PTPRD: variants seen among roughly 807,000 people sequenced by gnomAD.
The protein encoded by PTPRD is receptor-type tyrosine-protein phosphatase delta.
Under a neutral mutation model 214.5 loss-of-function variants are expected in PTPRD, and 34 were observed. The ratio of observed to expected loss-of-function variants is 0.16; its 90% CI spans 0.12 to 0.21. The LOEUF (loss-of-function observed/expected upper bound fraction) is 0.21. Among genes scored for constraint, PTPRD ranks in the 10% least tolerant of loss-of-function variants. The probability of loss-of-function intolerance (pLI) is 1.00; values close to 1 mark genes in which losing one functional copy is unlikely to be tolerated. For missense variants in PTPRD, 2,545 were observed against 2,398.7 expected (o/e 1.06, Z -1.27); for synonymous variants, 1,128 against 845.7 (o/e 1.33, Z -5.79).
chr9:10,580,889 C>A lies in PTPRD; in HGVS notation c.-600+31509G>T, dbSNP rs1567045655. ...CACATAAATCTTAATATATCATAGA[C>A]TTGCATGTCTAATGAGAACCAAATA... On this transcript the variant is annotated intron_variant, in intron 2 of 45. Transcript: ENST00000381196. Among the ~76,000 whole-genome samples the A allele has an allele frequency of 2.6e-5, 4 of 152,238 alleles. No individual in the cohort carries two copies. In the South Asian group the frequency reaches 6.2e-4, roughly 24 times the overall value.
chr9:8,355,036 T>A (rs1196554113), intron 39 of PTPRD, among the ~76,000 whole-genome samples: 1 of 152,186 alleles, frequency 6.6e-6, no homozygotes, highest in East Asian at 1.9e-4. Context: ...AAATCTCATG[T>A]TGAGATATGA....
chr9:10,007,739 C>T (rs946955489), intron 4 of PTPRD, among the ~76,000 whole-genome samples: 1 of 151,900 alleles, frequency 6.6e-6, no homozygotes. Flanking sequence ...TTGTGAATAG[C>T]TTCAGCATTT....
rs73398333 is a variant in PTPRD at position 10,210,152 on chromosome 9, G to A, written c.-545+130811C>T. Among the ~76,000 whole-genome samples the A allele has an allele frequency of 3.4e-3, 523 of 152,150 alleles. 3 individuals are homozygous for A. The highest frequency in any genetic ancestry group is 0.012 in the African/African-American group (487 of 41,524). On this transcript the variant is annotated intron_variant, in intron 3 of 45. Transcript: ENST00000381196. Reference sequence around the variant, plus strand: ...AATTACCAATTCATGTGACCTTTATGCCAGCTATTAAAATACAATTGTGAA... The same window carrying A: ...AATTACCAATTCATGTGACCTTTATACCAGCTATTAAAATACAATTGTGAA...
At chr9:10,001,468 C>T (rs1268407339) in intron 4 of PTPRD, among the ~76,000 whole-genome samples, 1 of 152,024 alleles carries the variant, frequency 6.6e-6, no homozygotes, top group Non-Finnish European at 1.5e-5. Flanking sequence ...ACATCATAGT[C>T]AAATTATCAG....
intron 6 of PTPRD, among the ~76,000 whole-genome samples, chr9:9,759,629 C>T (rs564897960): frequency 1.4e-5 from 2 of 146,084 alleles, no homozygotes; most frequent in African/African-American, 5.1e-5. Flanking sequence ...GCGATCTCAG[C>T]TCACTGCAAC....
At chr9:8,994,810 G>T (rs902756664) in intron 11 of PTPRD, among the ~76,000 whole-genome samples, 1 of 152,010 alleles carries the variant, frequency 6.6e-6, no homozygotes, top group Non-Finnish European at 1.5e-5. Context: ...AACTGTGGAG[G>T]ATCATGCTAA....
At chr9:10,251,692 C>T (rs1048533983) in intron 3 of PTPRD, among the ~76,000 whole-genome samples, 5 of 152,204 alleles carry the variant, frequency 3.3e-5, no homozygotes, top group African/African-American at 1.2e-4. Flanking sequence ...TAGTGAGTCA[C>T]TTTGAACAGA....
chr9:9,734,625 A>C (rs2154444832), intron 6 of PTPRD, 54 bp from the exon 7 acceptor site: 1 of 152,188 alleles, frequency 6.6e-6, no homozygotes, highest in Middle Eastern at 3.4e-3. Context: ...TTGTTTCAGA[A>C]AAAATAGACA....
intron 9 of PTPRD, among the ~76,000 whole-genome samples, chr9:9,196,946 T>C (rs2132103937): frequency 6.6e-6 from 1 of 152,280 alleles, no homozygotes; most frequent in Admixed American, 6.5e-5. Context: ...ACAAGGTCAA[T>C]CTTTGACCAT....
chr9:8,804,376 T>G (rs2096631978), intron 11 of PTPRD, among the ~76,000 whole-genome samples: 6 of 150,890 alleles, frequency 4.0e-5, no homozygotes, highest in Admixed American at 4.0e-4. Flanking sequence ...AGCAGGAGGA[T>G]CACTAGAACC....
chr9:9,137,456 T>C (rs542130599), intron 10 of PTPRD, among the ~76,000 whole-genome samples: 2 of 152,216 alleles, frequency 1.3e-5, no homozygotes, highest in African/African-American at 4.8e-5. Flanking sequence ...TTGTCCTCAG[T>C]TTTTCTGTCT....
In PTPRD at chr9:9,372,959, T is replaced by G. The variant is rs544220093; in HGVS notation, c.-203+24490A>C. On this transcript the variant is annotated intron_variant, in intron 9 of 45. Coordinates refer to ENST00000381196, the MANE Select transcript of PTPRD (RefSeq NM_002839.4). ...TCCATTTTGAGAAACCTTTTAATAT[T>G]ACCCCACAAAAAATACCAGTTTAGA... Among the ~76,000 whole-genome samples the G allele has an allele frequency of 2.0e-5, 3 of 152,164 alleles. No homozygotes were observed. The South Asian group carries it at 6.2e-4, about 32-fold the overall frequency.
At chr9:9,712,584 G>A (rs1275147664) in intron 7 of PTPRD, among the ~76,000 whole-genome samples, 5 of 152,096 alleles carry the variant, frequency 3.3e-5, no homozygotes, top group East Asian at 1.9e-4. Context: ...AATGGCAGAC[G>A]GCAGATCTTG....
At chr9:8,972,398 T>A (rs1300645880) in intron 11 of PTPRD, among the ~76,000 whole-genome samples, 1 of 151,912 alleles carries the variant, frequency 6.6e-6, no homozygotes, top group Non-Finnish European at 1.5e-5. Context: ...AAGTCACATT[T>A]AACATTTCCC....
chr9:8,327,124 G>A (rs1464157897), intron 44 of PTPRD, among the ~76,000 whole-genome samples: 2 of 150,502 alleles, frequency 1.3e-5, no homozygotes, highest in African/African-American at 4.9e-5. Context: ...TGATGTTAGG[G>A]TGTCGATTTT....
chr9:10,294,283 T>G (rs1010523795), intron 3 of PTPRD, among the ~76,000 whole-genome samples: 3 of 151,902 alleles, frequency 2.0e-5, no homozygotes. Flanking sequence ...TACAATGAGA[T>G]GTTCATCTAT....
chr9:9,579,428 A>G (rs1455214263), intron 7 of PTPRD, among the ~76,000 whole-genome samples: 1 of 152,114 alleles, frequency 6.6e-6, no homozygotes, highest in East Asian at 1.9e-4. Context: ...TTTTTAAAAT[A>G]ATTATTTTAA....
At chr9:10,246,757 T>C (rs1256673594) in intron 3 of PTPRD, among the ~76,000 whole-genome samples, 2 of 151,676 alleles carry the variant, frequency 1.3e-5, no homozygotes, top group African/African-American at 4.8e-5. Context: ...CTTATGTATC[T>C]AGTAGTTGCA....
chr9:8,477,065 T>G (rs2096779824), intron 30 of PTPRD, among the ~76,000 whole-genome samples: 1 of 151,788 alleles, frequency 6.6e-6, no homozygotes, highest in Non-Finnish European at 1.5e-5. Context: ...AGCTAATATG[T>G]GCCCTACAAA....
Sources: allele counts gnomAD v4.1 joint callset (sites outside exome capture counted in the v4.1 genomes callset), GRCh38; gene constraint gnomAD v4.1.1; transcripts MANE v1.5; gene names NCBI Gene and HGNC (gene_info 2026-07-23, HGNC 2026-07-21).